Variants in KLF12 observed in about 807,000 individuals in gnomAD.
KLF12 encodes KLF transcription factor 12, also known as Krueppel-like factor 12.
In KLF12, 9 loss-of-function variants were observed where a neutral mutation model predicts 37.8. The observed-to-expected ratio is 0.24, with a 90% CI of 0.14 to 0.42. The LOEUF is 0.42. Ranked by LOEUF, KLF12 falls within the 10% of genes least tolerant of loss-of-function variation. The pLI is 1.00. For missense variants in KLF12, 411 were observed against 516.0 expected (o/e 0.80, Z 1.97); for synonymous variants, 208 against 202.1 (o/e 1.03, Z -0.25).
chr13:73,939,595 C>T (rs960204000), intron 3 of KLF12, among the ~76,000 whole-genome samples: 1 of 152,154 alleles, frequency 6.6e-6, no homozygotes, highest in Admixed American at 6.5e-5. Context: ...CTACTAGATA[C>T]TTCATGAGAA....
chr13:74,080,390 G>A lies in KLF12; in HGVS notation c.-32+53349C>T, dbSNP rs1397589809. On this transcript the variant is annotated intron_variant, in intron 1 of 7. Transcript: ENST00000377669. ...TTGAGCCTGAAAGTTCGAGGCTGCA[G>A]TGAGCTGTGATCACACCACCACACT... Among the ~76,000 whole-genome samples the A allele has an allele frequency of 3.9e-5, 6 of 152,276 alleles. No individual in the cohort carries two copies. The East Asian group carries it at 5.8e-4, about 15-fold the overall frequency.
chr13:73,803,455 T>G (rs945871424), intron 5 of KLF12, among the ~76,000 whole-genome samples: 1 of 152,068 alleles, frequency 6.6e-6, no homozygotes, highest in Non-Finnish European at 1.5e-5. Context: ...ACACCTCACA[T>G]GAAATAGTAA....
rs566346811 is a variant in KLF12, at chr13:73,764,435, C to T, written c.869+503G>A. Among the ~76,000 whole-genome samples, 47 of 149,646 alleles carry T rather than the reference C, an allele frequency of 3.1e-4. No individual in the cohort carries two copies. In the East Asian group the frequency reaches 8.9e-3, roughly 28 times the overall value. On this transcript the variant is annotated intron_variant, in intron 6 of 7. Coordinates refer to ENST00000377669, the MANE Select transcript of KLF12 (RefSeq NM_007249.5). The stretch of plus-strand genomic sequence containing the variant: ...GCAAAATTCCATCTATATTTTTGTT[C>T]AAGAACTCATCAGTTAAAGAAGATC...
At chr13:74,021,697 C>T (rs1408404905) in intron 1 of KLF12, among the ~76,000 whole-genome samples, 1 of 152,176 alleles carries the variant, frequency 6.6e-6, no homozygotes, top group Admixed American at 6.5e-5. Context: ...CAGGAAGTCG[C>T]TTGCCAGTAT....
chr13:73,792,368 C>T (rs1461370385), intron 5 of KLF12, among the ~76,000 whole-genome samples: 1 of 151,932 alleles, frequency 6.6e-6, no homozygotes, highest in Non-Finnish European at 1.5e-5. Context: ...TTTGATAAAT[C>T]CTAAAATCTT....
the KLF12 span, among the ~76,000 whole-genome samples, chr13:74,261,211 A>G: frequency 9.2e-5 from 14 of 152,338 alleles, no homozygotes; most frequent in East Asian, 2.1e-3. Flanking sequence ...GGTTAACAGA[A>G]TAATATCAAT....
chr13:73,719,776 A>AT (rs908250939), intron 6 of KLF12, among the ~76,000 whole-genome samples: 3 of 151,912 alleles, frequency 2.0e-5, no homozygotes, highest in African/African-American at 4.8e-5. Context: ...TAACGTTTTA[A>AT]TTTTTTGTGG....
At chr13:74,026,294 G>A (rs1179650822) in intron 1 of KLF12, among the ~76,000 whole-genome samples, 1 of 152,048 alleles carries the variant, frequency 6.6e-6, no homozygotes, top group Non-Finnish European at 1.5e-5. Context: ...TTCCAAAAAA[G>A]TGAAATATCT....
chr13:73,924,930 C>T (rs567274885), intron 3 of KLF12, among the ~76,000 whole-genome samples: 4 of 152,306 alleles, frequency 2.6e-5, no homozygotes, highest in African/African-American at 9.6e-5. Context: ...TCCCTTGAGC[C>T]AAGGCCTAAT....
chr13:74,188,619 T>C, the KLF12 span, among the ~76,000 whole-genome samples: 1 of 152,310 alleles, frequency 6.6e-6, no homozygotes, highest in East Asian at 1.9e-4. Context: ...CATTTATTTA[T>C]GGTAAAGTTA....
intron 3 of KLF12, among the ~76,000 whole-genome samples, chr13:73,854,167 A>G (rs910949178): frequency 2.0e-5 from 3 of 152,210 alleles, no homozygotes; most frequent in African/African-American, 7.2e-5. Context: ...CATGACTTAA[A>G]ATATTAATTA....
At chr13:74,268,563 G>T in the KLF12 span, among the ~76,000 whole-genome samples, 1 of 152,152 alleles carries the variant, frequency 6.6e-6, no homozygotes, top group Non-Finnish European at 1.5e-5. Flanking sequence ...TAATTCAGAG[G>T]CTCATTGGAG....
At chr13:73,797,045 A>G (rs1010545831) in intron 5 of KLF12, among the ~76,000 whole-genome samples, 2 of 152,222 alleles carry the variant, frequency 1.3e-5, no homozygotes, top group African/African-American at 4.8e-5. Flanking sequence ...CAGGGACACA[A>G]GGCCTTTCTG....
chr13:73,922,823 C>T (rs539512652), intron 3 of KLF12, among the ~76,000 whole-genome samples: 3 of 152,158 alleles, frequency 2.0e-5, no homozygotes, highest in Non-Finnish European at 4.4e-5. Context: ...CAGAAAAATA[C>T]ATGCCAGAAA....
At chr13:73,946,153 A>G (rs924642772) in intron 2 of KLF12, among the ~76,000 whole-genome samples, 1 of 152,158 alleles carries the variant, frequency 6.6e-6, no homozygotes, top group African/African-American at 2.4e-5. Flanking sequence ...ATGAAGGATG[A>G]GCTGATATTG....
At chr13:73,920,584 T>C (rs996693776) in intron 3 of KLF12, among the ~76,000 whole-genome samples, 1 of 152,144 alleles carries the variant, frequency 6.6e-6, no homozygotes, top group African/African-American at 2.4e-5. Context: ...CTATCCAAAC[T>C]TGCCAAACTT....
At chr13:73,925,744 T>C (rs1353119089) in intron 3 of KLF12, among the ~76,000 whole-genome samples, 1 of 152,218 alleles carries the variant, frequency 6.6e-6, no homozygotes, top group Admixed American at 6.5e-5. Flanking sequence ...GGATTCACTA[T>C]TCTAGACACC....
intron 3 of KLF12, among the ~76,000 whole-genome samples, chr13:73,890,921 G>A (rs1039962301): frequency 2.6e-5 from 4 of 151,938 alleles, no homozygotes; most frequent in African/African-American, 9.7e-5. Flanking sequence ...TAAGGTATTG[G>A]CATTCTAAAA....
intron 3 of KLF12, among the ~76,000 whole-genome samples, chr13:73,880,666 T>A (rs1886934720): frequency 1.3e-5 from 2 of 152,154 alleles, no homozygotes; most frequent in Non-Finnish European, 2.9e-5. Context: ...AAAACTAGAA[T>A]AAATAGGCTT....
Sources: gnomAD v4.1 joint callset for allele counts (sites outside exome capture counted in the v4.1 genomes callset) on GRCh38, gnomAD v4.1.1 for gene constraint, MANE v1.5 for transcripts, NCBI Gene and HGNC (gene_info 2026-07-23, HGNC 2026-07-21) for gene names.